MRPL37: variants seen among roughly 807,000 people sequenced by gnomAD.
MRPL37 encodes large ribosomal subunit protein mL37.
A neutral mutation model predicts 44.1 loss-of-function variants in MRPL37; 34 were observed. The observed-to-expected ratio is 0.77, with a 90% confidence interval of 0.59 to 1.03. MRPL37 has a LOEUF of 1.03. MRPL37 is among the 50% of genes least tolerant of loss of function. The probability of loss-of-function intolerance (pLI) is 0.00; values close to 1 mark genes in which losing one functional copy is unlikely to be tolerated. For missense variants in MRPL37, 532 were observed against 543.7 expected (o/e 0.98, Z 0.21); for synonymous variants, 212 against 219.5 (o/e 0.97, Z 0.30).
downstream of MRPL37, chr1:54,225,249 C>T: frequency 1.6e-6 from 2 of 1,234,298 alleles, no homozygotes; most frequent in Non-Finnish European, 2.0e-6. Flanking sequence ...CACCTTCCGC[C>T]AAGGCCATCG....
intron 5 of MRPL37, 59 bp downstream of exon 5, chr1:54,212,717 G>A: frequency 6.2e-7 from 1 of 1,604,628 alleles, no homozygotes; most frequent in Non-Finnish European, 8.5e-7. Context: ...CCTCCCTTAA[G>A]GTTACTGCTC....
At chr1:54,217,380 C>A (rs1644205354) in intron 6 of MRPL37, among the ~76,000 whole-genome samples, 1 of 152,192 alleles carries the variant, frequency 6.6e-6, no homozygotes, top group Admixed American at 6.5e-5. Flanking sequence ...GTTTTCCCTC[C>A]TGACTCTGTG....
intron 3 of MRPL37, among the ~76,000 whole-genome samples, chr1:54,206,559 G>A (rs1456306976): frequency 1.3e-5 from 2 of 152,012 alleles, no homozygotes; most frequent in Non-Finnish European, 1.5e-5. Context: ...ATGGGCATAT[G>A]CCACCACACC....
chr1:54,201,282 A>T (rs1454176947), intron 1 of MRPL37, among the ~76,000 whole-genome samples: 1 of 152,222 alleles, frequency 6.6e-6, no homozygotes, highest in Non-Finnish European at 1.5e-5. Context: ...GGGGGGAAAA[A>T]AAAGGCAAAT....
In MRPL37 at chr1:54,200,409, G is replaced by T. The variant is rs1570133809; in HGVS notation, c.166G>T (p.Glu56Ter). ...LDRVYEIPGL[E>*]PITFAGKMHF... is the part of the protein sequence containing the mutation. ...TAGGGTGTACGAGATCCCTGGACTG[G>T]AGCCCATCACCTTTGCGGGGAAGAT... The change falls in exon 1 of 7, where the codon GAG (glutamate) becomes TAG (stop). Residue 56 changes from glutamate to a stop codon, truncating the protein, a stop_gained. Coordinates refer to ENST00000360840, the MANE Select transcript of MRPL37 (RefSeq NM_016491.4). LOFTEE classifies it high-confidence loss of function. The T allele has an allele frequency of 2.5e-6, 4 of 1,614,230 alleles. No individual in the cohort carries two copies. Among genetic ancestry groups the T allele is most frequent in the Non-Finnish European group, 3.4e-6 (4 of 1,180,048 alleles).
rs148119083 is a variant in MRPL37, at chr1:54,201,713, A to T, written c.346+1124A>T. Among the ~76,000 whole-genome samples the T allele has an allele frequency of 3.3e-5, 5 of 152,292 alleles. No individual in the cohort carries two copies. The East Asian group carries it at 9.6e-4, about 29-fold the overall frequency. On this transcript the variant is annotated intron_variant, in intron 1 of 6. Transcript: ENST00000360840. The stretch of plus-strand genomic sequence containing the variant: ...CTCAGATTCTCCTCCTAGCCTTGTC[A>T]CTTACAAAGTATGTGAGTTGGAGCA...
chr1:54,223,105 G>C (rs77656497), downstream of MRPL37, among the ~76,000 whole-genome samples: 765 of 152,332 alleles, frequency 5.0e-3, 8 homozygotes, highest in Non-Finnish European at 7.9e-3. Context: ...CCTGGGAATA[G>C]AGAGAACACA....
At chr1:54,203,441 C>CT (rs1226367021) in intron 1 of MRPL37, among the ~76,000 whole-genome samples, 1 of 148,324 alleles carries the variant, frequency 6.7e-6, no homozygotes, top group East Asian at 2.0e-4. Context: ...AACAAAAATT[C>CT]ATGATGTGAG....
chr1:54,223,449 C>G (rs1421967389), downstream of MRPL37, among the ~76,000 whole-genome samples: 6 of 152,218 alleles, frequency 3.9e-5, no homozygotes, highest in Non-Finnish European at 8.8e-5. Flanking sequence ...GGGGATTCCT[C>G]AGGTCACCAG....
At chr1:54,215,800 C>A (rs1398512987) in intron 5 of MRPL37, among the ~76,000 whole-genome samples, 1 of 152,158 alleles carries the variant, frequency 6.6e-6, no homozygotes, top group Non-Finnish European at 1.5e-5. Context: ...TCAAGTAACG[C>A]CAGGAGTTTG....
intron 5 of MRPL37, 136 bp downstream of exon 5, chr1:54,212,794 G>T: frequency 1.6e-6 from 2 of 1,247,670 alleles, no homozygotes; most frequent in Non-Finnish European, 2.2e-6. Context: ...GAGTACTTCA[G>T]CCCACCCTGT....
chr1:54,224,918 C>T (rs1644264896), downstream of MRPL37, among the ~76,000 whole-genome samples: 1 of 112,960 alleles, frequency 8.9e-6, no homozygotes, highest in African/African-American at 3.8e-5. Flanking sequence ...TTCAAGGGCT[C>T]CCAGTACACC....
intron 4 of MRPL37, among the ~76,000 whole-genome samples, chr1:54,212,044 C>A (rs1320983176): frequency 3.9e-5 from 6 of 152,186 alleles, no homozygotes; most frequent in African/African-American, 1.2e-4. Flanking sequence ...AAATGACTTG[C>A]TTTCTTTTGA....
chr1:54,225,045 A>T, downstream of MRPL37: 1 of 1,206,204 alleles, frequency 8.3e-7, no homozygotes, highest in Non-Finnish European at 1.0e-6. Flanking sequence ...GAAAGCAGGG[A>T]GTGGCTGTGG....
chr1:54,208,757 T>C (rs1644143162), intron 3 of MRPL37, among the ~76,000 whole-genome samples: 1 of 152,124 alleles, frequency 6.6e-6, no homozygotes, highest in African/African-American at 2.4e-5. Context: ...TGGCAAGCTC[T>C]TACCCAGTGG....
At chr1:54,216,401 G>A in intron 6 of MRPL37, 57 bp downstream of exon 6, 2 of 1,582,610 alleles carry the variant, frequency 1.3e-6, no homozygotes, top group Non-Finnish European at 1.7e-6. Flanking sequence ...CCTACCTGGT[G>A]TGAGCCTCAG....
intron 3 of MRPL37, among the ~76,000 whole-genome samples, chr1:54,208,335 G>T (rs186894366): frequency 6.6e-6 from 1 of 152,152 alleles, no homozygotes; most frequent in Non-Finnish European, 1.5e-5. Flanking sequence ...GAGGTCAGGA[G>T]ATCAAGACCA....
intron 6 of MRPL37, among the ~76,000 whole-genome samples, chr1:54,217,577 C>A (rs1644206873): frequency 6.6e-6 from 1 of 152,226 alleles, no homozygotes; most frequent in East Asian, 1.9e-4. Flanking sequence ...TCTTCTATTG[C>A]ATGTGCTGGG....
intron 1 of MRPL37, among the ~76,000 whole-genome samples, chr1:54,202,495 CTG>C (rs915592778): frequency 3.9e-5 from 6 of 151,944 alleles, no homozygotes; most frequent in Non-Finnish European, 7.4e-5. Flanking sequence ...TCCTTTCTCT[CTG>C]TCTCTCTCTC....
Sources: allele counts gnomAD v4.1 joint callset (sites outside exome capture counted in the v4.1 genomes callset), GRCh38; gene constraint gnomAD v4.1.1; transcripts MANE v1.5; gene names NCBI Gene and HGNC (gene_info 2026-07-23, HGNC 2026-07-21).